The following PIK3C2G variants were observed in gnomAD, a reference collection of about 807,000 sequenced individuals.
PIK3C2G encodes the protein phosphatidylinositol-4-phosphate 3-kinase catalytic subunit type 2 gamma.
PIK3C2G carries 168 observed loss-of-function variants against 181.1 expected under a neutral mutation model. The ratio of observed to expected loss-of-function variants is 0.93; its 90% CI spans 0.82 to 1.05. PIK3C2G has a LOEUF of 1.05. Ranked by LOEUF, PIK3C2G falls within the 50% of genes least tolerant of loss-of-function variation. PIK3C2G has a pLI of 0.00. For synonymous variants in PIK3C2G, 573 were observed against 592.2 expected, an observed-to-expected ratio of 0.97 and a Z score of 0.47; for missense variants, 1,869 against 1,732.8, an observed-to-expected ratio of 1.08 and a Z score of -1.40.
chr12:18,290,168 A>C (rs1949628401), intron 3 of PIK3C2G, among the ~76,000 whole-genome samples: 1 of 152,184 alleles, frequency 6.6e-6, no homozygotes, highest in Non-Finnish European at 1.5e-5. Flanking sequence ...TTGTTCAAAA[A>C]AATTGGTCAA....
At chr12:18,373,359 T>A (rs977471634) in intron 13 of PIK3C2G, among the ~76,000 whole-genome samples, 1 of 152,202 alleles carries the variant, frequency 6.6e-6, no homozygotes, top group Non-Finnish European at 1.5e-5. Flanking sequence ...TATGTCATTA[T>A]TTTTTCCAAC....
At chr12:18,610,219 G>A (rs1338063483) in intron 31 of PIK3C2G, among the ~76,000 whole-genome samples, 1 of 151,972 alleles carries the variant, frequency 6.6e-6, no homozygotes, top group Non-Finnish European at 1.5e-5. Context: ...AAACATAGAA[G>A]GAAAACACGA....
chr12:18,688,385 C>T, the PIK3C2G span, among the ~76,000 whole-genome samples: 5 of 151,878 alleles, frequency 3.3e-5, no homozygotes, highest in African/African-American at 1.2e-4. Flanking sequence ...GTCTTTTATC[C>T]TCAGTTATCA....
At chr12:18,646,279 A>G (rs1950125570) in intron 32 of PIK3C2G, among the ~76,000 whole-genome samples, 1 of 152,206 alleles carries the variant, frequency 6.6e-6, no homozygotes, top group Admixed American at 6.5e-5. Flanking sequence ...ACTCCTGCAT[A>G]TGTACAAGAA....
At chr12:18,666,348 C>T in the PIK3C2G span, among the ~76,000 whole-genome samples, 1 of 151,972 alleles carries the variant, frequency 6.6e-6, no homozygotes, top group Non-Finnish European at 1.5e-5. Flanking sequence ...GTCTACAAGA[C>T]ACTCCTTAGA....
the PIK3C2G span, among the ~76,000 whole-genome samples, chr12:18,663,726 C>A: frequency 6.6e-6 from 1 of 151,060 alleles, no homozygotes; most frequent in African/African-American, 2.4e-5. Context: ...ACACAAACAA[C>A]AGAAGAAAAA....
intron 5 of PIK3C2G, among the ~76,000 whole-genome samples, chr12:18,305,860 AC>A (rs1170305583): frequency 3.3e-5 from 5 of 151,900 alleles, no homozygotes; most frequent in African/African-American, 1.2e-4. Flanking sequence ...CATACCCCCC[AC>A]AAAAAGAGCT....
chr12:18,556,823 T>C (rs1331978688), intron 26 of PIK3C2G, among the ~76,000 whole-genome samples: 1 of 152,130 alleles, frequency 6.6e-6, no homozygotes, highest in Non-Finnish European at 1.5e-5. Context: ...GGATGAATAA[T>C]GGGATCAGAG....
intron 5 of PIK3C2G, among the ~76,000 whole-genome samples, chr12:18,307,714 G>T (rs1950478127): frequency 6.6e-6 from 1 of 151,516 alleles, no homozygotes; most frequent in South Asian, 2.1e-4. Flanking sequence ...ATTTTTTACT[G>T]CACTTACTTA....
intron 22 of PIK3C2G, among the ~76,000 whole-genome samples, chr12:18,499,024 C>A (rs1479058218): frequency 1.3e-5 from 2 of 152,132 alleles, no homozygotes; most frequent in Non-Finnish European, 2.9e-5. Flanking sequence ...ACCTTTTCTC[C>A]AGATATTGAA....
chr12:18,473,344 C>T (rs1442994818), intron 18 of PIK3C2G, among the ~76,000 whole-genome samples: 1 of 152,170 alleles, frequency 6.6e-6, no homozygotes, highest in Non-Finnish European at 1.5e-5. Flanking sequence ...TAATTATCCT[C>T]TCTGATACTG....
At chr12:18,302,914 G>A (rs1950234858) in intron 5 of PIK3C2G, among the ~76,000 whole-genome samples, 1 of 151,970 alleles carries the variant, frequency 6.6e-6, no homozygotes, top group Admixed American at 6.6e-5. Context: ...CACATGCATG[G>A]CTGGGTGGCA....
chr12:18,647,805 A>G (rs1335616219), intron 32 of PIK3C2G, 71 bp from the exon 33 acceptor site: 1 of 873,716 alleles, frequency 1.1e-6, no homozygotes, highest in African/African-American at 1.7e-5. Context: ...TTTTTATTAA[A>G]AGCAATACTC....
intron 30 of PIK3C2G, among the ~76,000 whole-genome samples, chr12:18,608,833 A>G (rs1329555266): frequency 6.6e-6 from 1 of 152,194 alleles, no homozygotes; most frequent in African/African-American, 2.4e-5. Context: ...TGATCAAAAA[A>G]TAATCTTATG....
At chr12:18,369,232 C>G (rs1565644653) in intron 12 of PIK3C2G, among the ~76,000 whole-genome samples, 1 of 152,168 alleles carries the variant, frequency 6.6e-6, no homozygotes, top group African/African-American at 2.4e-5. Flanking sequence ...TGTGATTTAT[C>G]TCCCATGACT....
intron 3 of PIK3C2G, among the ~76,000 whole-genome samples, chr12:18,287,575 G>A (rs1490063434): frequency 6.6e-6 from 1 of 152,164 alleles, no homozygotes; most frequent in Admixed American, 6.5e-5. Flanking sequence ...AATGCATTCA[G>A]TTGGGCGCGG....
intron 5 of PIK3C2G, among the ~76,000 whole-genome samples, chr12:18,305,861 C>A (rs1160602248): frequency 1.3e-5 from 2 of 151,562 alleles, no homozygotes; most frequent in Non-Finnish European, 2.9e-5. Flanking sequence ...ATACCCCCCA[C>A]AAAAAGAGCT....
rs1345382772 is a variant in PIK3C2G at position 18,282,159 on chromosome 12, T to C, written c.78T>C (p.Phe26=). Residue 26 remains phenylalanine (F), a synonymous_variant, in exon 2 of 33, where the codon TTT becomes TTC. Transcript: ENST00000538779. ...AGTATGAACACCAAGAATTTCTCTT[T>C]GTAAATCAACCCCATTCTTCTAGCC... ...EKQYEHQEFL[F]VNQPHSSSQV... The C allele has an allele frequency of 2.5e-6, 4 of 1,610,890 alleles. No individual in the cohort carries two copies. The highest frequency in any genetic ancestry group is 1.7e-5 in the Admixed American group (1 of 59,522).
downstream of PIK3C2G, among the ~76,000 whole-genome samples, chr12:18,652,445 A>G (rs1950560046): frequency 6.6e-6 from 1 of 152,246 alleles, no homozygotes; most frequent in South Asian, 2.1e-4. Flanking sequence ...ATTCTTCCCC[A>G]CAGCTCTCAA....
Sources: gnomAD v4.1 joint callset for allele counts (sites outside exome capture counted in the v4.1 genomes callset) on GRCh38, gnomAD v4.1.1 for gene constraint, MANE v1.5 for transcripts, NCBI Gene and HGNC (gene_info 2026-07-23, HGNC 2026-07-21) for gene names.